Variants in GRIN2A observed in about 807,000 individuals in gnomAD.
GRIN2A encodes glutamate receptor ionotropic, NMDA 2A.
Under a neutral mutation model 113.4 loss-of-function variants are expected in GRIN2A, and 22 were observed. The observed-to-expected ratio is 0.19, with a 90% CI of 0.14 to 0.28. GRIN2A has a LOEUF of 0.28. Among genes scored for constraint, GRIN2A ranks in the 10% least tolerant of loss-of-function variants. GRIN2A has a pLI of 1.00. For synonymous variants in GRIN2A, 827 were observed against 738.4 expected, an observed-to-expected ratio of 1.12 and a Z score of -1.94; for missense variants, 1,502 against 1,887.0, an observed-to-expected ratio of 0.80 and a Z score of 3.78.
intron 2 of GRIN2A, among the ~76,000 whole-genome samples, chr16:10,134,837 C>T (rs1338662367): frequency 1.3e-5 from 2 of 152,118 alleles, no homozygotes; most frequent in Admixed American, 6.5e-5. Context: ...TTCTTTGCTT[C>T]TGATTTGATG....
chr16:10,163,779 A>C (rs773292746), intron 2 of GRIN2A, among the ~76,000 whole-genome samples: 17 of 152,138 alleles, frequency 1.1e-4, no homozygotes, highest in Non-Finnish European at 2.1e-4. Flanking sequence ...CACAGCTGTT[A>C]ATATCAAACA....
At position 9,860,460 on chromosome 16, in the gene GRIN2A, A is replaced by AAAAAG. The variant is rs1555497585; in HGVS notation, c.1123-10500_1123-10499insCTTTT. On this transcript the variant is annotated intron_variant, in intron 4 of 12. Transcript: ENST00000330684. ...AAGAGTCTCTCAAAAAAAAAAAAAA[A>AAAAAG]AAAAAAAAAAGAAAGACCAAGGGAG... 1.6e-3 allele frequency among the ~76,000 whole-genome samples: 230 copies of AAAAAG among 143,190 alleles called. 2 individuals carry two copies. Among genetic ancestry groups the AAAAAG allele is most frequent in the Non-Finnish European group, 2.7e-3 (179 of 65,330 alleles). The allele number at this position is 143,190 out of a possible 152,430, so 93.9% of individuals were successfully genotyped here.
rs138447535 is a variant in GRIN2A at position 9,859,192 on chromosome 16, AAC to A, written c.1123-9233_1123-9232del. 3.4e-4 allele frequency among the ~76,000 whole-genome samples: 51 copies of A among 151,784 alleles called. No individual in the cohort carries two copies. In the East Asian group the frequency reaches 7.8e-3, roughly 23 times the overall value. On this transcript the variant is annotated intron_variant, in intron 4 of 12. Coordinates refer to ENST00000330684, the MANE Select transcript of GRIN2A (RefSeq NM_001134407.3). Reference sequence around the variant, plus strand: ...TCATTCTCACACACATCGTCACACTAACACACACACACATCTGCCTTTGCACA... The same window carrying A: ...TCATTCTCACACACATCGTCACACTAACACACACACATCTGCCTTTGCACA...
At chr16:10,157,807 C>G (rs1286752710) in intron 2 of GRIN2A, among the ~76,000 whole-genome samples, 1 of 152,114 alleles carries the variant, frequency 6.6e-6, no homozygotes, top group Non-Finnish European at 1.5e-5. Flanking sequence ...CTAAGTGAGA[C>G]TTGGCAGGAA....
intron 2 of GRIN2A, among the ~76,000 whole-genome samples, chr16:10,134,135 G>A (rs926812391): frequency 1.1e-4 from 16 of 151,046 alleles, no homozygotes; most frequent in Admixed American, 9.2e-4. Flanking sequence ...AGTCGAAGGT[G>A]CAGTGAGTGA....
At chr16:9,827,041 C>T (rs12708640) in intron 9 of GRIN2A, among the ~76,000 whole-genome samples, 43,594 of 152,076 alleles carry the variant, frequency 0.29, 6,613 homozygotes, top group African/African-American at 0.38. Context: ...TCCCATAATG[C>T]GACAGACTTG....
At chr16:10,111,624 G>A (rs10852257) in intron 2 of GRIN2A, 77,278 of 1,411,784 alleles carry the variant, frequency 0.055, 2,435 homozygotes, top group Middle Eastern at 0.068. Context: ...TGGCCATCGC[G>A]ATGGCTCTGA....
intron 2 of GRIN2A, among the ~76,000 whole-genome samples, chr16:10,016,368 G>A (rs956387391): frequency 6.6e-6 from 1 of 151,030 alleles, no homozygotes; most frequent in East Asian, 2.0e-4. Context: ...AACAAGATGG[G>A]GTCAGATCTC....
intron 2 of GRIN2A, among the ~76,000 whole-genome samples, chr16:10,059,366 C>G (rs2047510937): frequency 6.8e-6 from 1 of 147,210 alleles, no homozygotes; most frequent in Non-Finnish European, 1.5e-5. Flanking sequence ...GTTTAGAGGC[C>G]ATTGCATTCA....
At chr16:9,886,679 C>A (rs1416157633) in intron 4 of GRIN2A, among the ~76,000 whole-genome samples, 1 of 152,048 alleles carries the variant, frequency 6.6e-6, no homozygotes. Context: ...ACAGTAGGCA[C>A]TTAATAACTA....
chr16:9,816,484 C>G (rs1158481020), intron 10 of GRIN2A, among the ~76,000 whole-genome samples: 2 of 152,146 alleles, frequency 1.3e-5, no homozygotes, highest in African/African-American at 2.4e-5. Flanking sequence ...CAGACTTGTA[C>G]ATGAAAATCA....
intron 2 of GRIN2A, among the ~76,000 whole-genome samples, chr16:9,948,390 T>A (rs1567194398): frequency 5.9e-5 from 9 of 152,100 alleles, no homozygotes; most frequent in Admixed American, 5.2e-4. Context: ...CCGAGTGGCA[T>A]CAGTTGCTGC....
chr16:10,161,572 G>C (rs1161863983), intron 2 of GRIN2A, among the ~76,000 whole-genome samples: 2 of 152,234 alleles, frequency 1.3e-5, no homozygotes, highest in African/African-American at 4.8e-5. Flanking sequence ...GGCACAGCCT[G>C]ATGTGCAGAG....
intron 2 of GRIN2A, among the ~76,000 whole-genome samples, chr16:10,035,271 C>T (rs2141939214): frequency 6.6e-6 from 1 of 152,256 alleles, no homozygotes; most frequent in Admixed American, 6.5e-5. Context: ...AGTGATCCTC[C>T]TGCCTTGGCC....
At chr16:9,961,954 A>G (rs11859983) in intron 2 of GRIN2A, among the ~76,000 whole-genome samples, 2,474 of 152,250 alleles carry the variant, frequency 0.016, 70 homozygotes, top group African/African-American at 0.057. Context: ...CAGAAATAAT[A>G]CCACATATCT....
chr16:9,999,738 T>C (rs2046289172), intron 2 of GRIN2A, among the ~76,000 whole-genome samples: 1 of 151,936 alleles, frequency 6.6e-6, no homozygotes, highest in Admixed American at 6.6e-5. Flanking sequence ...TGAAAGTATA[T>C]ATATAAAAAA....
chr16:9,807,638 G>C (rs563944163), intron 10 of GRIN2A, among the ~76,000 whole-genome samples: 2 of 152,246 alleles, frequency 1.3e-5, no homozygotes, highest in South Asian at 4.2e-4. Flanking sequence ...ATGTAATCCA[G>C]TCTCTTCATT....
chr16:10,032,927 A>G (rs573660044), intron 2 of GRIN2A, among the ~76,000 whole-genome samples: 1 of 152,230 alleles, frequency 6.6e-6, no homozygotes, highest in South Asian at 2.1e-4. Flanking sequence ...TCTTGTGTCC[A>G]TATATCCAGT....
At chr16:9,842,836 C>G (rs544610773) in intron 5 of GRIN2A, among the ~76,000 whole-genome samples, 8 of 152,066 alleles carry the variant, frequency 5.3e-5, no homozygotes, top group African/African-American at 1.9e-4. Context: ...ACACAGGAGG[C>G]ATAAGAATAG....
Sources: allele counts gnomAD v4.1 joint callset (sites outside exome capture counted in the v4.1 genomes callset), GRCh38; gene constraint gnomAD v4.1.1; transcripts MANE v1.5; gene names NCBI Gene and HGNC (gene_info 2026-07-23, HGNC 2026-07-21).